EXOSC1: variants seen among roughly 807,000 people sequenced by gnomAD.
EXOSC1 encodes exosome complex component CSL4.
A neutral mutation model predicts 31.4 loss-of-function variants in EXOSC1; 27 were observed. That is an observed-to-expected ratio of 0.86 (90% CI 0.63 to 1.18). The LOEUF is 1.18. Ranked by LOEUF, EXOSC1 falls within the 50% of genes most tolerant of loss-of-function variation. The pLI, the probability that EXOSC1 is intolerant of heterozygous loss-of-function variation, is 0.00. For synonymous variants in EXOSC1, 84 were observed against 89.5 expected (o/e 0.94, Z 0.35); for missense variants, 228 against 250.3 (o/e 0.91, Z 0.60).
chr10:97,437,983 G>A (rs1034456600), intron 5 of EXOSC1, among the ~76,000 whole-genome samples: 1 of 151,426 alleles, frequency 6.6e-6, no homozygotes, highest in Admixed American at 6.6e-5. Context: ...GCAGTGGTGC[G>A]ATCTCGGCTC....
chr10:97,438,556 C>A, intron 5 of EXOSC1, 114 bp downstream of exon 5: 1 of 953,952 alleles, frequency 1.0e-6, no homozygotes, highest in Non-Finnish European at 1.6e-6. Context: ...CCTCCCGCCT[C>A]AGCCTCCCAA....
Position 97,436,331 on chromosome 10 carries a change from G to T in EXOSC1, c.*114C>A. On this transcript the variant is annotated 3_prime_UTR_variant, in exon 8 of 8. Coordinates refer to ENST00000370902, the MANE Select transcript of EXOSC1 (RefSeq NM_016046.5). Reference sequence around the variant, plus strand: ...GTTCCATCTACAGCGTAAACTGGAAGATTTTTCTGGAAGTGGCTGTTGGCC... The same window carrying T: ...GTTCCATCTACAGCGTAAACTGGAATATTTTTCTGGAAGTGGCTGTTGGCC... 1.3e-6 allele frequency: 1 copy of T among 761,178 alleles called. No homozygotes were observed. The highest frequency in any genetic ancestry group is 2.3e-6 in the Non-Finnish European group (1 of 435,030). 47.2% of individuals were successfully genotyped at this position (761,178 alleles called of 1,614,324 possible). A position where few individuals can be genotyped will look rare whatever the true frequency, so the allele number is the denominator to read the frequency against.
intron 2 of EXOSC1, 110 bp downstream of exon 2, chr10:97,445,622 T>C (rs1297949279): frequency 3.2e-6 from 3 of 930,468 alleles, no homozygotes; most frequent in Non-Finnish European, 4.9e-6. Flanking sequence ...AGACCAACAT[T>C]GTACCACTGA....
intron 5 of EXOSC1, among the ~76,000 whole-genome samples, 171 bp downstream of exon 5, chr10:97,438,499 C>A (rs541807310): frequency 1.1e-4 from 16 of 151,634 alleles, no homozygotes; most frequent in Admixed American, 3.9e-4. Context: ...GAGACAGGGT[C>A]TCGCTATGTT....
chr10:97,437,356 T>A, intron 6 of EXOSC1, 81 bp from the exon 7 acceptor site: 5 of 596,408 alleles, frequency 8.4e-6, no homozygotes, highest in Non-Finnish European at 1.3e-5. Context: ...TTTTTCTACC[T>A]TTTTTTTTTT....
At chr10:97,443,015 G>A (rs1428848831) in intron 3 of EXOSC1, among the ~76,000 whole-genome samples, 1 of 152,050 alleles carries the variant, frequency 6.6e-6, no homozygotes, top group Non-Finnish European at 1.5e-5. Flanking sequence ...TTGTAGAGAT[G>A]AGGTTTCACT....
At chr10:97,436,664 T>A (rs1185088286) in intron 7 of EXOSC1, 113 bp from the exon 8 acceptor site, 5 of 929,780 alleles carry the variant, frequency 5.4e-6, no homozygotes, top group Non-Finnish European at 7.8e-6. Flanking sequence ...GAACCTCAAC[T>A]CATAAAGAAA....
intron 6 of EXOSC1, 92 bp downstream of exon 6, chr10:97,437,608 A>G: frequency 7.9e-7 from 1 of 1,259,276 alleles, no homozygotes; most frequent in Middle Eastern, 1.9e-4. Flanking sequence ...CTGGCCTCCG[A>G]AAGTGCTGGG....
chr10:97,443,544 A>C (rs879566242), intron 2 of EXOSC1, among the ~76,000 whole-genome samples: 2 of 152,162 alleles, frequency 1.3e-5, no homozygotes, highest in Non-Finnish European at 2.9e-5. Flanking sequence ...GTTGTTGGAG[A>C]CGGAGTCTTG....
intron 6 of EXOSC1, 119 bp from the exon 7 acceptor site, chr10:97,437,394 A>G: frequency 2.6e-6 from 2 of 767,032 alleles, no homozygotes; most frequent in South Asian, 3.3e-5. Flanking sequence ...TCCGTTAACC[A>G]GGCTGGAGTG....
intron 4 of EXOSC1, among the ~76,000 whole-genome samples, chr10:97,439,783 G>A (rs371265807): frequency 6.6e-5 from 10 of 152,216 alleles, no homozygotes; most frequent in East Asian, 5.8e-4. Flanking sequence ...CTGCACTACA[G>A]AACCACATCA....
Position 97,437,720 on chromosome 10 carries a change from C to A in EXOSC1, c.376G>T (p.Asp126Tyr). 6.2e-7 allele frequency: 1 copy of A among 1,613,462 alleles called. No homozygotes were observed. Among genetic ancestry groups the A allele is most frequent in the South Asian group, 1.1e-5 (1 of 91,046 alleles). ...GATACCACTTTGGCCAAGACAATGTCACCTGGGCGGAAACTCTTATAAATT... is the reference window on the plus strand; with the variant it reads ...GATACCACTTTGGCCAAGACAATGTAACCTGGGCGGAAACTCTTATAAATT... The part of the protein sequence containing the change: ...VEIYKSFRPG[D>Y]IVLAKVISLG... Residue 126 changes from aspartate (D) to tyrosine (Y), a missense_variant, in exon 6 of 8, where the codon GAC becomes TAC. By Grantham distance (160) the Asp-to-Tyr change is radical. Transcript: ENST00000370902.
Position 97,445,811 on chromosome 10 carries a change from C to G in EXOSC1, c.68G>C (p.Gly23Ala). The G allele has an allele frequency of 6.2e-7, 1 of 1,613,914 alleles. No homozygotes were observed. The highest frequency in any genetic ancestry group is 1.7e-5 in the Admixed American group (1 of 60,020). Residue 23 changes from glycine (G) to alanine (A), a missense_variant, in exon 2 of 8, where the codon GGC becomes GCC. Transcript: ENST00000370902. ...GCCGTGGCGGGTGTAGGTGCCGCTGCCCGGGCTGCCCTCCTCCAAGTTACA... is the reference window on the plus strand; with the variant it reads ...GCCGTGGCGGGTGTAGGTGCCGCTGGCCGGGCTGCCCTCCTCCAAGTTACA... ...RLCNLEEGSP[G>A]SGTYTRHGYI...
chr10:97,441,189 G>C lies in EXOSC1; in HGVS notation c.293C>G (p.Ser98Cys), dbSNP rs777960986. The C allele has an allele frequency of 6.2e-7, 1 of 1,613,982 alleles. No individual in the cohort carries two copies. Among genetic ancestry groups the C allele is most frequent in the Non-Finnish European group, 8.5e-7 (1 of 1,179,870 alleles). Residue 98 changes from serine (S) to cysteine (C), a missense_variant, in exon 4 of 8, where the codon TCT becomes TGT. Transcript: ENST00000370902. ...TTCTTACCGGATAGTTCCTCGAAAA[G>C]AGTTCTTAAGAGGCATGGACCCCAC... ...LYVGSMPLKN[S>C]FRGTIRKEDV...
chr10:97,435,986 A>G lies in EXOSC1; in HGVS notation c.*459T>C, dbSNP rs1303537421. Among the ~76,000 whole-genome samples, 1 of 152,248 alleles carries G rather than the reference A, an allele frequency of 6.6e-6. No individual in the cohort carries two copies. Among genetic ancestry groups the G allele is most frequent in the East Asian group, 1.9e-4 (1 of 5,186 alleles). ...TATCTGTATCACCACGTGTCCTCAA[A>G]TTTTCATTAAATCACAATGTACCTA... On this transcript the variant is annotated 3_prime_UTR_variant, in exon 8 of 8. Coordinates refer to ENST00000370902, the MANE Select transcript of EXOSC1 (RefSeq NM_016046.5).
intron 5 of EXOSC1, among the ~76,000 whole-genome samples, chr10:97,438,254 GTCACCC>G (rs1845608412): frequency 6.6e-6 from 1 of 151,678 alleles, no homozygotes; most frequent in African/African-American, 2.4e-5. Context: ...ATCCCACTGT[GTCACCC>G]AGGCTGGAGT....
At chr10:97,439,488 GC>G (rs1310023988) in intron 4 of EXOSC1, among the ~76,000 whole-genome samples, 1 of 152,302 alleles carries the variant, frequency 6.6e-6, no homozygotes, top group East Asian at 1.9e-4. Flanking sequence ...GAGCTAGGCT[GC>G]CCACTCCTTA....
Position 97,438,013 on chromosome 10 carries a change from G to A in EXOSC1, c.346-263C>T, listed in dbSNP as rs564710498. On this transcript the variant is annotated intron_variant, in intron 5 of 7. Transcript: ENST00000370902. ...CGGCTCACTGCAACCTCTGCCTCCC[G>A]GGTTCAAGCGATTCTCCTGCCTCAG... 4.0e-5 allele frequency among the ~76,000 whole-genome samples: 6 copies of A among 151,874 alleles called. No individual in the cohort carries two copies. The South Asian group carries it at 8.3e-4, about 21-fold the overall frequency.
intron 7 of EXOSC1, 85 bp from the exon 8 acceptor site, chr10:97,436,636 G>A: frequency 7.8e-7 from 1 of 1,286,318 alleles, no homozygotes; most frequent in Non-Finnish European, 1.1e-6. Context: ...AAGCTGAAGT[G>A]CCACCAAGCT....
Sources: gnomAD v4.1 joint callset for allele counts (sites outside exome capture counted in the v4.1 genomes callset) on GRCh38, gnomAD v4.1.1 for gene constraint, MANE v1.5 for transcripts, NCBI Gene and HGNC (gene_info 2026-07-23, HGNC 2026-07-21) for gene names.